PARN: variants seen among roughly 807,000 people sequenced by gnomAD.
PARN encodes the protein poly(A)-specific ribonuclease.
PARN carries 71 observed loss-of-function variants against 102.8 expected under a neutral mutation model. That is an observed-to-expected ratio of 0.69 (90% confidence interval 0.57 to 0.84). The LOEUF (loss-of-function observed/expected upper bound fraction) is 0.84, where lower values mean the gene tolerates loss of function less well. PARN is among the 40% of genes least tolerant of loss of function. The pLI is 0.00. For missense variants in PARN, 782 were observed against 760.9 expected (o/e 1.03, Z -0.33); for synonymous variants, 261 against 252.9 (o/e 1.03, Z -0.30).
intron 18 of PARN, among the ~76,000 whole-genome samples, chr16:14,563,263 C>T (rs1418074230): frequency 6.6e-6 from 1 of 152,132 alleles, no homozygotes; most frequent in African/African-American, 2.4e-5. Context: ...AGAGGAGGAG[C>T]GTGAATCAGA....
intron 5 of PARN, among the ~76,000 whole-genome samples, chr16:14,617,900 T>C (rs1401033379): frequency 6.6e-6 from 1 of 152,102 alleles, no homozygotes; most frequent in Non-Finnish European, 1.5e-5. Flanking sequence ...ATAGACAGGG[T>C]CTCACTATGT....
chr16:14,612,816 T>G (rs1812112635), intron 6 of PARN, among the ~76,000 whole-genome samples: 1 of 151,818 alleles, frequency 6.6e-6, no homozygotes, highest in Admixed American at 6.6e-5. Flanking sequence ...AGGCTGATCT[T>G]GAACTCCTGA....
chr16:14,475,881 A>G (rs1463764443), intron 22 of PARN, among the ~76,000 whole-genome samples: 1 of 152,224 alleles, frequency 6.6e-6, no homozygotes, highest in South Asian at 2.1e-4. Context: ...TTAAAGAAAA[A>G]GAAAGAAAAT....
chr16:14,600,257 C>T (rs1476186520), intron 11 of PARN, among the ~76,000 whole-genome samples: 1 of 152,212 alleles, frequency 6.6e-6, no homozygotes, highest in Non-Finnish European at 1.5e-5. Flanking sequence ...CCAAGTCTTT[C>T]AAGGTGTCTT....
At chr16:14,568,779 C>CAGCT (rs1968596368) in intron 18 of PARN, among the ~76,000 whole-genome samples, 1 of 151,866 alleles carries the variant, frequency 6.6e-6, no homozygotes, top group Non-Finnish European at 1.5e-5. Flanking sequence ...CCTGTAGTCC[C>CAGCT]AGCTACTCAG....
rs1207602055 is a variant in PARN, at chr16:14,627,132, A to G, written c.301T>C (p.Ser101Pro). The G allele has an allele frequency of 3.1e-6, 5 of 1,603,574 alleles. No homozygotes were observed. The highest frequency in any genetic ancestry group is 3.4e-6 in the Non-Finnish European group (4 of 1,171,696). ...TGACAAACAAATTTGACATCTGGTG[A>G]GGATCTATTGAAGGGTTTCGGGAAA... The part of the protein sequence containing the change: ...YVFPKPFNRS[S>P]PDVKFVCQSS... The change falls in exon 5 of 24, where the codon TCA becomes CCA. Residue 101 changes from serine (S) to proline (P), a missense_variant. Ser to Pro is a moderately conservative substitution (Grantham distance 74, BLOSUM62 -1). Transcript: ENST00000437198.
intron 22 of PARN, among the ~76,000 whole-genome samples, chr16:14,466,567 C>T (rs1247793390): frequency 2.0e-5 from 3 of 152,192 alleles, no homozygotes; most frequent in Non-Finnish European, 2.9e-5. Context: ...TCTGGCTCCA[C>T]AAGTCCATGT....
intron 18 of PARN, among the ~76,000 whole-genome samples, chr16:14,561,614 T>A (rs1397600610): frequency 6.6e-6 from 1 of 152,148 alleles, no homozygotes; most frequent in Non-Finnish European, 1.5e-5. Flanking sequence ...GAGTTTGAGA[T>A]CAGTCTGAGC....
intron 21 of PARN, among the ~76,000 whole-genome samples, chr16:14,532,340 T>C (rs1966388452): frequency 6.6e-6 from 1 of 151,772 alleles, no homozygotes; most frequent in Non-Finnish European, 1.5e-5. Context: ...GCAGTGTTTG[T>C]GTCCCTGGGT....
chr16:14,609,854 T>C (rs1971415925), intron 7 of PARN, among the ~76,000 whole-genome samples: 2 of 152,196 alleles, frequency 1.3e-5, no homozygotes, highest in South Asian at 4.1e-4. Flanking sequence ...TTCAAGGACA[T>C]TGGACAGTGG....
intron 21 of PARN, among the ~76,000 whole-genome samples, chr16:14,488,323 G>A (rs565054367): frequency 1.3e-5 from 2 of 152,172 alleles, no homozygotes; most frequent in Admixed American, 1.3e-4. Flanking sequence ...TTCTGAGCTT[G>A]AAGTAGGGAA....
chr16:14,622,824 C>T lies in PARN; in HGVS notation c.327+4282G>A, dbSNP rs144459788. On this transcript the variant is annotated intron_variant, in intron 5 of 23. Coordinates refer to ENST00000437198, the MANE Select transcript of PARN (RefSeq NM_002582.4). ...CCCGGCCCATTTTTTACAATGTAAG[C>T]CTGGCGCAGTGGTACGTGCTTGTAA... Among the ~76,000 whole-genome samples the T allele has an allele frequency of 1.1e-3, 162 of 152,124 alleles. 1 individual carries two copies. The highest frequency in any genetic ancestry group is 3.4e-3 in the African/African-American group (143 of 41,510).
chr16:14,617,192 G>T (rs1259248887), intron 6 of PARN, among the ~76,000 whole-genome samples: 1 of 151,420 alleles, frequency 6.6e-6, no homozygotes, highest in Non-Finnish European at 1.5e-5. Flanking sequence ...AGACCATCCT[G>T]GCTAACACGG....
rs770262812 is a variant in PARN, at chr16:14,582,224, G to A, written c.1149C>T (p.Ala383=). The A allele has an allele frequency of 1.2e-6, 2 of 1,613,440 alleles. No individual in the cohort carries two copies. Residue 383 remains alanine, a synonymous_variant, in exon 17 of 24, where the codon GCC becomes GCT. Coordinates refer to ENST00000437198, the MANE Select transcript of PARN (RefSeq NM_002582.4). ...SEQLHEAGYD[A]YITGLCFISM... ...AGATGAAGCACAGCCCTGTGATGTA[G>A]GCATCGTAGCCTGCCTCGTGGAGTT...
chr16:14,500,625 A>G (rs1964539129), intron 21 of PARN, among the ~76,000 whole-genome samples: 1 of 152,196 alleles, frequency 6.6e-6, no homozygotes, highest in South Asian at 2.1e-4. Context: ...ACCACCCTTT[A>G]GATTCTAATT....
At position 14,577,982 on chromosome 16, in the gene PARN, C is replaced by T. The variant is rs1969252616; in HGVS notation, c.1262+2892G>A. 3.3e-5 allele frequency among the ~76,000 whole-genome samples: 5 copies of T among 152,094 alleles called. No homozygotes were observed. In the South Asian group the frequency reaches 1.0e-3, roughly 32 times the overall value. On this transcript the variant is annotated intron_variant, in intron 18 of 23. Coordinates refer to ENST00000437198, the MANE Select transcript of PARN (RefSeq NM_002582.4). The stretch of plus-strand genomic sequence containing the variant: ...CGCATCTGGCCATAAAACCCACTTT[C>T]TAAGGGGGTTAAGAATGAATGCCTA...
chr16:14,522,916 G>C (rs894720125), intron 21 of PARN, among the ~76,000 whole-genome samples: 1 of 152,132 alleles, frequency 6.6e-6, no homozygotes, highest in Non-Finnish European at 1.5e-5. Flanking sequence ...CTAAAGATAA[G>C]TGGACCCAAT....
At chr16:14,490,138 ACAAAGTGAGACCCTGTCT>A (rs1487683118) in intron 21 of PARN, among the ~76,000 whole-genome samples, 1 of 152,246 alleles carries the variant, frequency 6.6e-6, no homozygotes, top group Non-Finnish European at 1.5e-5. Context: ...AGCCAAGTTG[ACAAAGTGAGACCCTGTCT>A]CAAATAAATA....
intron 22 of PARN, among the ~76,000 whole-genome samples, chr16:14,455,992 A>C (rs544803402): frequency 1.3e-5 from 2 of 152,328 alleles, no homozygotes; most frequent in East Asian, 3.9e-4. Flanking sequence ...CACAATTTGG[A>C]ATAAGAGACA....
Sources: allele counts gnomAD v4.1 joint callset (sites outside exome capture counted in the v4.1 genomes callset), GRCh38; gene constraint gnomAD v4.1.1; transcripts MANE v1.5; gene names NCBI Gene and HGNC (gene_info 2026-07-23, HGNC 2026-07-21).